Variants in ATF2 observed in about 807,000 individuals in gnomAD.
ATF2 encodes activating transcription factor 2, also known as cyclic AMP-dependent transcription factor ATF-2.
A neutral mutation model predicts 60.6 loss-of-function variants in ATF2; 24 were observed. That is an observed-to-expected ratio of 0.40 (90% CI 0.29 to 0.56). ATF2 has a LOEUF of 0.56. ATF2 is among the 20% of genes least tolerant of loss of function. The pLI is 0.54. For synonymous variants in ATF2, 206 were observed against 215.4 expected, an observed-to-expected ratio of 0.96 and a Z score of 0.38; for missense variants, 433 against 607.7, an observed-to-expected ratio of 0.71 and a Z score of 3.02.
chr2:175,102,981 T>G (rs1316125543), intron 10 of ATF2, among the ~76,000 whole-genome samples: 3 of 152,220 alleles, frequency 2.0e-5, no homozygotes, highest in Admixed American at 2.0e-4. Flanking sequence ...AGATATAGAT[T>G]GTTTCAATTA....
chr2:175,159,030 A>C (rs973606799), intron 1 of ATF2, among the ~76,000 whole-genome samples: 1 of 152,018 alleles, frequency 6.6e-6, no homozygotes, highest in African/African-American at 2.4e-5. Context: ...TTTAGATAAG[A>C]GTTTTGGCCA....
At chr2:175,120,995 G>A (rs544400595) in intron 5 of ATF2, among the ~76,000 whole-genome samples, 2 of 151,042 alleles carry the variant, frequency 1.3e-5, no homozygotes, top group South Asian at 4.3e-4. Context: ...TAATACAAAT[G>A]TTTAGTCTGA....
intron 1 of ATF2, among the ~76,000 whole-genome samples, chr2:175,158,517 T>C (rs1378328733): frequency 6.6e-6 from 1 of 152,106 alleles, no homozygotes; most frequent in African/African-American, 2.4e-5. Flanking sequence ...AATGGATATT[T>C]TAAATGGATA....
chr2:175,109,141 CTG>C (rs1480975005), intron 10 of ATF2, among the ~76,000 whole-genome samples: 57 of 124,670 alleles, frequency 4.6e-4, no homozygotes, highest in Non-Finnish European at 4.3e-4. Flanking sequence ...AAATTCCCCT[CTG>C]TGAGAAACAC....
In ATF2 at chr2:175,080,666, A is replaced by G. The variant is rs1338363259; in HGVS notation, c.1285T>C (p.Tyr429His). The G allele has an allele frequency of 1.2e-6, 2 of 1,612,548 alleles. No individual in the cohort carries two copies. Among genetic ancestry groups the G allele is most frequent in the Middle Eastern group, 1.6e-4 (1 of 6,072 alleles). Residue 429 changes from tyrosine (Y) to histidine (H), a missense_variant, in exon 13 of 14, where the codon TAT becomes CAT. Tyr to His is a moderately conservative substitution (Grantham distance 83). Transcript: ENST00000264110. ...PVTAMQKKSG[Y>H]HTADKDDSSE... ...GTAATGGAACATTACTCACTATGAT[A>G]GCCAGATTTCTTCTGCATGGCGGTT...
chr2:175,138,602 T>C (rs551915545), intron 2 of ATF2, among the ~76,000 whole-genome samples: 18 of 152,280 alleles, frequency 1.2e-4, no homozygotes, highest in African/African-American at 4.3e-4. Context: ...CTGCCTGCCA[T>C]CCTCTGAAAA....
At chr2:175,091,430 A>G (rs1358570809) in intron 12 of ATF2, among the ~76,000 whole-genome samples, 1 of 152,216 alleles carries the variant, frequency 6.6e-6, no homozygotes, top group Non-Finnish European at 1.5e-5. Context: ...AAATTTAAAT[A>G]ATAATAAATA....
chr2:175,138,950 C>A (rs1054262492), intron 2 of ATF2, among the ~76,000 whole-genome samples: 9 of 152,166 alleles, frequency 5.9e-5, no homozygotes, highest in Non-Finnish European at 2.9e-5. Flanking sequence ...TTTTGTCACT[C>A]GTAAGTTATA....
chr2:175,119,094 C>T (rs1360876755), intron 5 of ATF2, among the ~76,000 whole-genome samples: 1 of 151,600 alleles, frequency 6.6e-6, no homozygotes, highest in Non-Finnish European at 1.5e-5. Context: ...ATATGTACTC[C>T]TACTATGTAC....
intron 9 of ATF2, among the ~76,000 whole-genome samples, chr2:175,113,414 G>C (rs1696338528): frequency 6.6e-6 from 1 of 151,990 alleles, no homozygotes; most frequent in Non-Finnish European, 1.5e-5. Context: ...GAGTTGCCAT[G>C]CCTGGCCAAA....
chr2:175,136,458 A>G lies in ATF2; in HGVS notation c.-15T>C. 6.2e-7 allele frequency: 1 copy of G among 1,608,330 alleles called. No homozygotes were observed. Among genetic ancestry groups the G allele is most frequent in the Non-Finnish European group, 8.5e-7 (1 of 1,176,516 alleles). Reference sequence around the variant, plus strand: ...TTGAATTTCATAAGTTGAATAACTTATCACATTCTTTTTCTCATGGCAAGA... The same window carrying G: ...TTGAATTTCATAAGTTGAATAACTTGTCACATTCTTTTTCTCATGGCAAGA... On this transcript the variant is annotated 5_prime_UTR_variant, in exon 3 of 14. Transcript: ENST00000264110.
intron 3 of ATF2, among the ~76,000 whole-genome samples, chr2:175,130,539 A>C (rs949463063): frequency 6.6e-6 from 1 of 152,130 alleles, no homozygotes; most frequent in Non-Finnish European, 1.5e-5. Flanking sequence ...CAGTCTTCCA[A>C]GGATCCTACT....
At chr2:175,097,910 GC>G (rs1341703712) in intron 10 of ATF2, among the ~76,000 whole-genome samples, 1 of 152,146 alleles carries the variant, frequency 6.6e-6, no homozygotes, top group Admixed American at 6.5e-5. Context: ...TCCCCAGTAA[GC>G]AGATCTAGTT....
At chr2:175,094,317 C>T (rs572706307) in intron 11 of ATF2, among the ~76,000 whole-genome samples, 39 of 149,112 alleles carry the variant, frequency 2.6e-4, no homozygotes, top group African/African-American at 8.9e-4. Context: ...TCACTTGAAC[C>T]CGGGAGGCAG....
At chr2:175,138,993 C>G (rs1287097582) in intron 2 of ATF2, among the ~76,000 whole-genome samples, 1 of 152,220 alleles carries the variant, frequency 6.6e-6, no homozygotes, top group Non-Finnish European at 1.5e-5. Context: ...CAACTTTGCA[C>G]TTCAGTTTCA....
At chr2:175,151,609 TTTGGAAAA>T (rs1288396488) in intron 1 of ATF2, among the ~76,000 whole-genome samples, 1 of 152,194 alleles carries the variant, frequency 6.6e-6, no homozygotes, top group African/African-American at 2.4e-5. Flanking sequence ...TATGTGCTTA[TTTGGAAAA>T]AGCTTGACTT....
chr2:175,110,403 T>C (rs933758343), intron 10 of ATF2, among the ~76,000 whole-genome samples: 3 of 152,114 alleles, frequency 2.0e-5, no homozygotes, highest in Non-Finnish European at 4.4e-5. Context: ...GTATTTAGTA[T>C]AGTGCCTAGC....
At chr2:175,139,178 T>A (rs1469446948) in intron 2 of ATF2, among the ~76,000 whole-genome samples, 1 of 152,248 alleles carries the variant, frequency 6.6e-6, no homozygotes, top group Non-Finnish European at 1.5e-5. Flanking sequence ...TATTCATCGT[T>A]GTATCTGCAC....
intron 1 of ATF2, among the ~76,000 whole-genome samples, chr2:175,156,892 T>C (rs144366101): frequency 1.8e-4 from 28 of 152,314 alleles, no homozygotes; most frequent in African/African-American, 6.3e-4. Flanking sequence ...AACAGAAAAT[T>C]AATACGGTAA....
Sources: allele counts gnomAD v4.1 joint callset (sites outside exome capture counted in the v4.1 genomes callset), GRCh38; gene constraint gnomAD v4.1.1; transcripts MANE v1.5; gene names NCBI Gene and HGNC (gene_info 2026-07-23, HGNC 2026-07-21).